The following TENM2 variants were observed in gnomAD, a reference collection of about 807,000 sequenced individuals.
The protein encoded by TENM2 is teneurin-2.
Under a neutral mutation model 245.2 loss-of-function variants are expected in TENM2, and 52 were observed. The ratio of observed to expected loss-of-function variants is 0.21; its 90% confidence interval spans 0.17 to 0.27. The LOEUF (loss-of-function observed/expected upper bound fraction) is 0.27. TENM2 is among the 10% of genes least tolerant of loss of function. TENM2 has a pLI of 1.00. For synonymous variants in TENM2, 1,363 were observed against 1,438.9 expected (o/e 0.95, Z 1.19); for missense variants, 3,046 against 3,666.8 (o/e 0.83, Z 4.37).
At chr5:168,109,770 A>G (rs1794525564) in intron 9 of TENM2, among the ~76,000 whole-genome samples, 1 of 152,216 alleles carries the variant, frequency 6.6e-6, no homozygotes, top group Non-Finnish European at 1.5e-5. Context: ...CTGCCCAAAG[A>G]GAACAGAGAT....
intron 2 of TENM2, among the ~76,000 whole-genome samples, chr5:167,425,366 G>A (rs868154232): frequency 2.0e-5 from 3 of 152,108 alleles, no homozygotes; most frequent in Admixed American, 6.5e-5. Flanking sequence ...TGGCACCTTC[G>A]TTTGTAAGTG....
At chr5:167,344,330 A>ATG (rs1491506797) in intron 1 of TENM2, among the ~76,000 whole-genome samples, 1 of 85,554 alleles carries the variant, frequency 1.2e-5, no homozygotes, top group African/African-American at 3.2e-5. Flanking sequence ...ATATATATAT[A>ATG]GATATATTGC....
the TENM2 span, among the ~76,000 whole-genome samples, chr5:167,180,132 A>C: frequency 4.3e-4 from 31 of 72,022 alleles, no homozygotes; most frequent in East Asian, 0.011. Flanking sequence ...TTTGAGATGG[A>C]GTTTCATTCT....
chr5:167,258,035 A>T, the TENM2 span, among the ~76,000 whole-genome samples: 3 of 152,120 alleles, frequency 2.0e-5, no homozygotes, highest in South Asian at 6.2e-4. Flanking sequence ...TCCAAATTTC[A>T]TAAAACAAGA....
chr5:167,608,252 T>A (rs1777198000), intron 2 of TENM2, among the ~76,000 whole-genome samples: 1 of 152,216 alleles, frequency 6.6e-6, no homozygotes, highest in Non-Finnish European at 1.5e-5. Context: ...TATTTCTTAT[T>A]CTAGTTTTTG....
intron 1 of TENM2, among the ~76,000 whole-genome samples, chr5:167,305,385 C>T (rs1162331301): frequency 6.6e-6 from 1 of 152,184 alleles, no homozygotes; most frequent in Admixed American, 6.5e-5. Flanking sequence ...TAAGCACCCA[C>T]CTTGCATATT....
intron 3 of TENM2, among the ~76,000 whole-genome samples, chr5:167,884,447 G>A (rs1397468378): frequency 6.6e-6 from 1 of 152,008 alleles, no homozygotes; most frequent in African/African-American, 2.4e-5. Flanking sequence ...TTTTATTTCT[G>A]TCTCTATGAA....
the TENM2 span, among the ~76,000 whole-genome samples, chr5:167,125,097 A>G: frequency 6.6e-6 from 1 of 152,230 alleles, no homozygotes; most frequent in Non-Finnish European, 1.5e-5. Flanking sequence ...ATCAGAAAAG[A>G]GTCCAGCAAA....
At chr5:167,982,293 ATTTG>A (rs1162440953) in intron 4 of TENM2, among the ~76,000 whole-genome samples, 4 of 152,214 alleles carry the variant, frequency 2.6e-5, no homozygotes, top group South Asian at 2.1e-4. Flanking sequence ...AGTTCTGTTT[ATTTG>A]TTCTGTCTCT....
At chr5:167,661,283 G>T (rs991144852) in intron 2 of TENM2, among the ~76,000 whole-genome samples, 10 of 152,092 alleles carry the variant, frequency 6.6e-5, no homozygotes, top group Non-Finnish European at 1.2e-4. Context: ...TTGAAAATCA[G>T]ATCATATACA....
rs148769301 is a variant in TENM2 at position 168,011,607 on chromosome 5, T to C, written c.1186+18425T>C. 1.1e-4 allele frequency among the ~76,000 whole-genome samples: 16 copies of C among 152,314 alleles called. No individual in the cohort carries two copies. In the East Asian group the frequency reaches 1.5e-3, roughly 15 times the overall value. ...TTATATTGCCCTGTATAGCTCATCTTTGGCTCTGTGTCCCTCGTTCCTCTT... is the reference window on the plus strand; with the variant it reads ...TTATATTGCCCTGTATAGCTCATCTCTGGCTCTGTGTCCCTCGTTCCTCTT... On this transcript the variant is annotated intron_variant, in intron 5 of 28. Transcript: ENST00000518659.
At chr5:168,033,755 C>T (rs192347078) in intron 5 of TENM2, among the ~76,000 whole-genome samples, 298 of 152,144 alleles carry the variant, frequency 2.0e-3, no homozygotes, top group Non-Finnish European at 3.5e-3. Flanking sequence ...GGCATGGTAG[C>T]TGTAATCACA....
chr5:167,133,504 T>G, the TENM2 span, among the ~76,000 whole-genome samples: 1 of 151,974 alleles, frequency 6.6e-6, no homozygotes, highest in Admixed American at 6.6e-5. Flanking sequence ...CTCAAATACC[T>G]GTGGAGTTAG....
At chr5:167,430,950 C>CT (rs1450369863) in intron 2 of TENM2, among the ~76,000 whole-genome samples, 1 of 152,076 alleles carries the variant, frequency 6.6e-6, no homozygotes, top group East Asian at 1.9e-4. Context: ...CTATGCAAGC[C>CT]AATCACTTTA....
intron 2 of TENM2, among the ~76,000 whole-genome samples, chr5:167,433,490 CT>C (rs1424740259): frequency 6.6e-6 from 1 of 152,124 alleles, no homozygotes; most frequent in African/African-American, 2.4e-5. Context: ...TTATTTTCCC[CT>C]CTTATGCTTT....
chr5:167,593,455 CA>C (rs1312565267), intron 2 of TENM2, among the ~76,000 whole-genome samples: 1 of 152,132 alleles, frequency 6.6e-6, no homozygotes, highest in Admixed American at 6.5e-5. Flanking sequence ...CCCCTTGTTC[CA>C]TGTAAAATAA....
chr5:167,808,499 A>T (rs1350988427), intron 2 of TENM2, among the ~76,000 whole-genome samples: 1 of 152,136 alleles, frequency 6.6e-6, no homozygotes, highest in South Asian at 2.1e-4. Flanking sequence ...ACCTCAGGTG[A>T]TCAGCCTACC....
chr5:167,775,971 A>G (rs1300520926), intron 2 of TENM2, among the ~76,000 whole-genome samples: 1 of 152,214 alleles, frequency 6.6e-6, no homozygotes, highest in African/African-American at 2.4e-5. Context: ...CAGAGATGGG[A>G]AATTCTAAAT....
Position 168,247,269 on chromosome 5 carries a change from T to A in TENM2, c.6330T>A (p.Thr2110=). 2 of 1,613,840 alleles carry A rather than the reference T, an allele frequency of 1.2e-6. No individual in the cohort carries two copies. The highest frequency in any genetic ancestry group is 1.1e-5 in the South Asian group (1 of 91,074). Residue 2110 remains threonine, a synonymous_variant, in exon 27 of 29, where the codon ACT becomes ACA. Transcript: ENST00000518659. The surrounding 1 kb of genome is among the most constrained non-coding windows in gnomAD (Gnocchi z 7.8). ...GCATCAAGCCCGTCATAAGTGAGAC[T>A]CCCCTCCCCGTTGACCTCTACCGCT...
Sources: allele counts gnomAD v4.1 joint callset (sites outside exome capture counted in the v4.1 genomes callset), GRCh38; gene constraint gnomAD v4.1.1; non-coding constraint Gnocchi (gnomAD v3.1); transcripts MANE v1.5; gene names NCBI Gene and HGNC (gene_info 2026-07-23, HGNC 2026-07-21).